The following RCOR1 variants were observed in gnomAD, a reference collection of about 807,000 sequenced individuals.
RCOR1 encodes REST corepressor 1, also known as REST corepressor.
In RCOR1, 12 loss-of-function variants were observed where a neutral mutation model predicts 64.0. That is an observed-to-expected ratio of 0.19 (90% CI 0.12 to 0.30). The LOEUF (loss-of-function observed/expected upper bound fraction) is 0.30, where lower values mean the gene tolerates loss of function less well. Ranked by LOEUF, RCOR1 falls within the 10% of genes least tolerant of loss-of-function variation. The probability of loss-of-function intolerance (pLI) is 1.00; values close to 1 mark genes in which losing one functional copy is unlikely to be tolerated. For synonymous variants in RCOR1, 279 were observed against 227.2 expected (o/e 1.23, Z -2.05); for missense variants, 502 against 621.2 (o/e 0.81, Z 2.04).
intron 2 of RCOR1, among the ~76,000 whole-genome samples, chr14:102,665,392 C>T (rs191073211): frequency 1.2e-4 from 18 of 150,336 alleles, no homozygotes; most frequent in African/African-American, 4.2e-4. Context: ...GTGTTCTGAG[C>T]ATGTTTAAGG....
intron 6 of RCOR1, 114 bp downstream of exon 6, chr14:102,708,697 C>T (rs1177173452): frequency 1.5e-6 from 1 of 654,156 alleles, no homozygotes; most frequent in Non-Finnish European, 2.8e-6. Context: ...CTGGTGGAAC[C>T]ACATGTTCAT....
At chr14:102,653,943 CT>C (rs1894651839) in intron 2 of RCOR1, among the ~76,000 whole-genome samples, 1 of 37,574 alleles carries the variant, frequency 2.7e-5, no homozygotes, top group African/African-American at 2.0e-4. Context: ...TTCTTTCTTT[CT>C]TTCTTTCTTT....
At chr14:102,656,042 G>A in intron 2 of RCOR1, 1 of 984,990 alleles carries the variant, frequency 1.0e-6, no homozygotes, top group Non-Finnish European at 1.2e-6. Flanking sequence ...TTAAGATTAA[G>A]CTTGTGTAAG....
At chr14:102,673,911 A>G (rs1003269810) in intron 2 of RCOR1, among the ~76,000 whole-genome samples, 1 of 152,182 alleles carries the variant, frequency 6.6e-6, no homozygotes, top group East Asian at 1.9e-4. Context: ...CACCGCGCCC[A>G]GCCCCCGTTG....
At chr14:102,655,957 A>T (rs993549232) in intron 2 of RCOR1, 280 of 599,434 alleles carry the variant, frequency 4.7e-4, no homozygotes, top group Non-Finnish European at 5.1e-4. Context: ...TTTGTCACAC[A>T]CACACACACA....
At chr14:102,678,363 G>A (rs1895235162) in intron 2 of RCOR1, among the ~76,000 whole-genome samples, 1 of 152,042 alleles carries the variant, frequency 6.6e-6, no homozygotes, top group African/African-American at 2.4e-5. Context: ...GCAGTGGCGC[G>A]ATCTTGGCTC....
At chr14:102,641,582 AGAGT>A (rs1894369763) in intron 2 of RCOR1, among the ~76,000 whole-genome samples, 1 of 152,166 alleles carries the variant, frequency 6.6e-6, no homozygotes, top group Non-Finnish European at 1.5e-5. Flanking sequence ...TCCCAACAAC[AGAGT>A]GAGACCCTGT....
At chr14:102,618,432 TGA>T (rs1161529539) in intron 2 of RCOR1, among the ~76,000 whole-genome samples, 3 of 151,336 alleles carry the variant, frequency 2.0e-5, no homozygotes, top group African/African-American at 7.3e-5. Flanking sequence ...GGCAACAGAG[TGA>T]GACCATGTCT....
chr14:102,609,158 G>A (rs1179298123), intron 2 of RCOR1, among the ~76,000 whole-genome samples: 3 of 150,274 alleles, frequency 2.0e-5, no homozygotes, highest in Admixed American at 6.7e-5. Context: ...CAATTCTCCT[G>A]CCTCAGCCTC....
At chr14:102,667,584 C>T (rs952225960) in intron 2 of RCOR1, among the ~76,000 whole-genome samples, 2 of 152,052 alleles carry the variant, frequency 1.3e-5, no homozygotes, top group African/African-American at 4.8e-5. Flanking sequence ...GAAACTGAAT[C>T]TGGGGAGACC....
At chr14:102,602,058 C>T (rs747295303) in intron 2 of RCOR1, among the ~76,000 whole-genome samples, 2 of 151,450 alleles carry the variant, frequency 1.3e-5, no homozygotes, top group Non-Finnish European at 2.9e-5. Flanking sequence ...ACTTGGGAGG[C>T]TGAGGCGGGA....
chr14:102,686,985 T>C (rs1013063542), intron 3 of RCOR1, among the ~76,000 whole-genome samples: 1 of 152,374 alleles, frequency 6.6e-6, no homozygotes, highest in South Asian at 2.1e-4. Context: ...GACTTCATTC[T>C]TTTCAGTGTA....
intron 2 of RCOR1, among the ~76,000 whole-genome samples, chr14:102,624,411 C>G (rs1893939561): frequency 6.6e-6 from 1 of 151,866 alleles, no homozygotes; most frequent in African/African-American, 2.4e-5. Flanking sequence ...GAGGCTTAGG[C>G]AGAGAATCTC....
intron 2 of RCOR1, among the ~76,000 whole-genome samples, chr14:102,671,993 T>G (rs1230569896): frequency 1.3e-5 from 2 of 152,064 alleles, no homozygotes; most frequent in African/African-American, 2.4e-5. Flanking sequence ...AGTTTCATAC[T>G]GAGCATGTGT....
intron 2 of RCOR1, among the ~76,000 whole-genome samples, chr14:102,653,020 T>C (rs1479533571): frequency 6.6e-6 from 1 of 151,926 alleles, no homozygotes; most frequent in Non-Finnish European, 1.5e-5. Flanking sequence ...GCAACCTCTA[T>C]CTCCTGGGTT....
intron 2 of RCOR1, among the ~76,000 whole-genome samples, chr14:102,629,602 A>G (rs1894066262): frequency 6.6e-6 from 1 of 152,182 alleles, no homozygotes; most frequent in Non-Finnish European, 1.5e-5. Context: ...TACAAAGTAT[A>G]GGTGTCTGGC....
chr14:102,657,627 C>T, intron 2 of RCOR1: 1 of 691,270 alleles, frequency 1.4e-6, no homozygotes, highest in Non-Finnish European at 1.8e-6. Context: ...CACTTGAGGT[C>T]AGGAGTTCGA....
chr14:102,622,790 C>T (rs1412568779), intron 2 of RCOR1, among the ~76,000 whole-genome samples: 1 of 152,042 alleles, frequency 6.6e-6, no homozygotes, highest in Non-Finnish European at 1.5e-5. Flanking sequence ...TCTTTGTTGC[C>T]ATTTCTTTAC....
At position 102,593,288 on chromosome 14, in the gene RCOR1, A is replaced by C. The variant is rs1403962629; in HGVS notation, c.324A>C (p.Gly108=). 1.3e-6 allele frequency: 2 copies of C among 1,542,292 alleles called. No homozygotes were observed. ...EEHGGGGMRV[G]PQYQAVVPDF... ...CAGGTGGCGGTGGCATGAGGGTCGGACCCCAGTACCAGGCGGTGGTGCCCG... is the reference window on the plus strand; with the variant it reads ...CAGGTGGCGGTGGCATGAGGGTCGGCCCCCAGTACCAGGCGGTGGTGCCCG... The change falls in exon 2 of 12, where the codon GGA becomes GGC. Residue 108 remains glycine, a synonymous_variant. Transcript: ENST00000262241.
Sources: gnomAD v4.1 joint callset for allele counts (sites outside exome capture counted in the v4.1 genomes callset) on GRCh38, gnomAD v4.1.1 for gene constraint, MANE v1.5 for transcripts, NCBI Gene and HGNC (gene_info 2026-07-23, HGNC 2026-07-21) for gene names.